The following RPAP2 variants were observed in gnomAD, a reference collection of about 807,000 sequenced individuals.
RPAP2 encodes RNA polymerase II associated protein 2.
In RPAP2, 52 loss-of-function variants were observed where a neutral mutation model predicts 73.1. That is an observed-to-expected ratio of 0.71 (90% CI 0.57 to 0.90). The LOEUF (loss-of-function observed/expected upper bound fraction) is 0.90. Ranked by LOEUF, RPAP2 falls within the 40% of genes least tolerant of loss-of-function variation. The pLI is 0.00. For synonymous variants in RPAP2, 225 were observed against 242.1 expected, an observed-to-expected ratio of 0.93 and a Z score of 0.65; for missense variants, 598 against 701.8, an observed-to-expected ratio of 0.85 and a Z score of 1.67.
chr1:92,385,278 C>A (rs1346163127), intron 12 of RPAP2, among the ~76,000 whole-genome samples: 1 of 151,952 alleles, frequency 6.6e-6, no homozygotes, highest in Non-Finnish European at 1.5e-5. Flanking sequence ...AATTAAAAAT[C>A]ATTTTAACTA....
chr1:92,375,264 T>G (rs1655337589), intron 11 of RPAP2, among the ~76,000 whole-genome samples: 1 of 152,194 alleles, frequency 6.6e-6, no homozygotes. Flanking sequence ...CAGGAACTAT[T>G]ACAGTATTTA....
rs1316325563 is a variant in RPAP2, at chr1:92,396,585, G to A, written c.*9574G>A. 6.6e-6 allele frequency: 1 copy of A among 152,054 alleles called. No homozygotes were observed. The highest frequency in any genetic ancestry group is 6.6e-5 in the Admixed American group (1 of 15,238). 9.4% of individuals were successfully genotyped at this position (152,054 alleles called of 1,614,324 possible). On this transcript the variant is annotated 3_prime_UTR_variant, in exon 13 of 13. Transcript: ENST00000610020. ...CAGATGGGCACAAGGGATCTTTTGG[G>A]GGTGACAAAAATGTTCCAAAACTAA...
intron 12 of RPAP2, among the ~76,000 whole-genome samples, chr1:92,381,764 T>TA (rs1178545097): frequency 2.0e-5 from 3 of 151,796 alleles, no homozygotes; most frequent in African/African-American, 7.3e-5. Context: ...ATTTTATTAT[T>TA]TTTTTTAATT....
Position 92,396,969 on chromosome 1 carries a change from A to T in RPAP2, c.*9958A>T, listed in dbSNP as rs1444392670. The T allele has an allele frequency of 6.6e-6, 1 of 152,242 alleles. No homozygotes were observed. Among genetic ancestry groups the T allele is most frequent in the Non-Finnish European group, 1.5e-5 (1 of 68,052 alleles). 9.4% of individuals were successfully genotyped at this position (152,242 alleles called of 1,614,324 possible). On this transcript the variant is annotated 3_prime_UTR_variant, in exon 13 of 13. Coordinates refer to ENST00000610020, the MANE Select transcript of RPAP2 (RefSeq NM_024813.3). ...TTGCACAACTTTATAAACTTTAAAA[A>T]TAATTGATTTATGCACTTAAAACAG...
chr1:92,305,962 A>G (rs1444089894), intron 5 of RPAP2, among the ~76,000 whole-genome samples: 2 of 152,146 alleles, frequency 1.3e-5, no homozygotes, highest in African/African-American at 4.8e-5. Flanking sequence ...ATTCTTACAC[A>G]TGTACACCAG....
intron 11 of RPAP2, among the ~76,000 whole-genome samples, chr1:92,346,735 C>T (rs1447046519): frequency 6.6e-6 from 1 of 152,082 alleles, no homozygotes; most frequent in Non-Finnish European, 1.5e-5. Context: ...ACATTTAGTA[C>T]TCATTCAGCT....
intron 11 of RPAP2, among the ~76,000 whole-genome samples, chr1:92,356,169 G>T (rs1281527834): frequency 6.6e-6 from 1 of 151,724 alleles, no homozygotes; most frequent in African/African-American, 2.4e-5. Context: ...GTAGAGACGG[G>T]GTTTCACCAT....
intron 11 of RPAP2, among the ~76,000 whole-genome samples, chr1:92,367,350 G>A (rs1654972603): frequency 6.6e-6 from 1 of 152,088 alleles, no homozygotes; most frequent in South Asian, 2.1e-4. Flanking sequence ...GACGGCTTTT[G>A]CGTTTGTTTG....
intron 8 of RPAP2, among the ~76,000 whole-genome samples, chr1:92,326,626 C>T (rs1044908091): frequency 1.3e-5 from 2 of 152,120 alleles, no homozygotes; most frequent in Non-Finnish European, 2.9e-5. Flanking sequence ...TTGGGCAGGG[C>T]TTGCTGTGGC....
chr1:92,384,358 T>C (rs980992540), intron 12 of RPAP2, among the ~76,000 whole-genome samples: 21 of 151,712 alleles, frequency 1.4e-4, no homozygotes, highest in African/African-American at 4.6e-4. Context: ...GCGCAGTGGC[T>C]AATGCCTGTA....
At chr1:92,336,554 T>C (rs1380107056) in intron 10 of RPAP2, 127 bp downstream of exon 10, 1 of 627,074 alleles carries the variant, frequency 1.6e-6, no homozygotes, top group Non-Finnish European at 2.8e-6. Flanking sequence ...TACAGTATTC[T>C]ATTTTCTCCT....
In RPAP2 at chr1:92,394,680, G is replaced by A. The variant is rs1337476762; in HGVS notation, c.*7669G>A. 1.3e-5 allele frequency: 2 copies of A among 152,012 alleles called. No homozygotes were observed. The highest frequency in any genetic ancestry group is 2.9e-5 in the Non-Finnish European group (2 of 68,032). 9.4% of individuals were successfully genotyped at this position (152,012 alleles called of 1,614,324 possible). Reference sequence around the variant, plus strand: ...AAAAAGAAAAAGAAAAATTCAGAGAGATTAAAGAAGGTATCAAGAAATGTA... The same window carrying A: ...AAAAAGAAAAAGAAAAATTCAGAGAAATTAAAGAAGGTATCAAGAAATGTA... On this transcript the variant is annotated 3_prime_UTR_variant, in exon 13 of 13. Coordinates refer to ENST00000610020, the MANE Select transcript of RPAP2 (RefSeq NM_024813.3).
At chr1:92,372,870 G>A (rs927695786) in intron 11 of RPAP2, among the ~76,000 whole-genome samples, 1 of 152,198 alleles carries the variant, frequency 6.6e-6, no homozygotes. Flanking sequence ...AGCTATGATC[G>A]CACCACTGCA....
rs1259689652 is a variant in RPAP2 at position 92,388,640 on chromosome 1, C to T, written c.*1629C>T. 6.6e-6 allele frequency: 1 copy of T among 152,214 alleles called. No individual in the cohort carries two copies. The highest frequency in any genetic ancestry group is 1.5e-5 in the Non-Finnish European group (1 of 68,056). The allele number at this position is 152,214 out of a possible 1,614,324, so 9.4% of individuals were successfully genotyped here. On this transcript the variant is annotated 3_prime_UTR_variant, in exon 13 of 13. Coordinates refer to ENST00000610020, the MANE Select transcript of RPAP2 (RefSeq NM_024813.3). The stretch of plus-strand genomic sequence containing the variant: ...CCAAGGGAAGCCGTGAGTGACTATA[C>T]CTGGAGGAGGGGTACACTCCTGCCC...
At chr1:92,386,415 TGG>T (rs1397475285) in intron 12 of RPAP2, among the ~76,000 whole-genome samples, 3 of 152,160 alleles carry the variant, frequency 2.0e-5, no homozygotes, top group Admixed American at 1.3e-4. Context: ...AACCAATTCA[TGG>T]GGTCATGGGA....
intron 11 of RPAP2, among the ~76,000 whole-genome samples, chr1:92,378,562 A>T (rs186784180): frequency 1.0e-3 from 156 of 152,254 alleles, no homozygotes; most frequent in African/African-American, 3.5e-3. Context: ...GAGTTGGTAT[A>T]TTTGAACCGC....
In RPAP2 at chr1:92,394,006, A is replaced by G. The variant is rs1029911196; in HGVS notation, c.*6995A>G. Reference sequence around the variant, plus strand: ...TACCCAAAAGATTATAAATCATTCTACAATAAAGACACATGCACACGTATG... The same window carrying G: ...TACCCAAAAGATTATAAATCATTCTGCAATAAAGACACATGCACACGTATG... On this transcript the variant is annotated 3_prime_UTR_variant, in exon 13 of 13. Transcript: ENST00000610020. 1.3e-5 allele frequency: 2 copies of G among 152,158 alleles called. No individual in the cohort carries two copies. Among genetic ancestry groups the G allele is most frequent in the African/African-American group, 4.8e-5 (2 of 41,424 alleles). The allele number at this position is 152,158 out of a possible 1,614,324, so 9.4% of individuals were successfully genotyped here.
chr1:92,365,357 AAT>A (rs1654892786), intron 11 of RPAP2, among the ~76,000 whole-genome samples: 1 of 151,902 alleles, frequency 6.6e-6, no homozygotes, highest in Admixed American at 6.6e-5. Flanking sequence ...AGTTGTTTTC[AAT>A]ACTGGCTATA....
chr1:92,312,823 T>C, intron 6 of RPAP2, among the ~76,000 whole-genome samples: 1 of 151,930 alleles, frequency 6.6e-6, no homozygotes, highest in African/African-American at 2.4e-5. Context: ...TTTTTTTTTT[T>C]CCTTTTTTCT....
Sources: allele counts gnomAD v4.1 joint callset (sites outside exome capture counted in the v4.1 genomes callset), GRCh38; gene constraint gnomAD v4.1.1; transcripts MANE v1.5; gene names NCBI Gene and HGNC (gene_info 2026-07-23, HGNC 2026-07-21).